The following FGF13 variants were observed in gnomAD, a reference collection of about 807,000 sequenced individuals.
The protein encoded by FGF13 is fibroblast growth factor homologous factor 2.
Under a neutral mutation model 19.5 loss-of-function variants are expected in FGF13, and 2 were observed. That is an observed-to-expected ratio of 0.10 (90% CI 0.04 to 0.32). The LOEUF (loss-of-function observed/expected upper bound fraction) is 0.32, where lower values mean the gene tolerates loss of function less well. Among genes scored for constraint, FGF13 ranks in the 10% least tolerant of loss-of-function variants. FGF13 has a pLI of 1.00. For synonymous variants in FGF13, 72 were observed against 76.9 expected (o/e 0.94, Z 0.33); for missense variants, 113 against 192.7 (o/e 0.59, Z 2.45).
At chrX:138,701,739 T>C (rs1376589854) in intron 3 of FGF13, among the ~76,000 whole-genome samples, 1 of 112,403 alleles carries the variant, frequency 8.9e-6, no homozygotes, top group Non-Finnish European at 1.9e-5. Flanking sequence ...AACAGGGTTA[T>C]CATATGGTTT....
intron 1 of FGF13, among the ~76,000 whole-genome samples, chrX:139,099,597 CT>C (rs761841119): frequency 9.1e-6 from 1 of 110,005 alleles, no homozygotes; most frequent in Admixed American, 9.7e-5. Flanking sequence ...CTCCCCTGTC[CT>C]TGTCTCTGGT....
At chrX:138,709,574 T>C (rs2090023168) in intron 1 of FGF13, among the ~76,000 whole-genome samples, 1 of 111,878 alleles carries the variant, frequency 8.9e-6, no homozygotes, top group African/African-American at 3.2e-5. Flanking sequence ...TTTTTGTTGG[T>C]AGGAAGGAAA....
intron 1 of FGF13, among the ~76,000 whole-genome samples, chrX:138,896,604 A>G (rs777076421): frequency 1.0e-3 from 113 of 112,147 alleles, no homozygotes; most frequent in Non-Finnish European, 1.8e-3. Flanking sequence ...ATAAGACAGC[A>G]TATGTACAAA....
chrX:138,807,311 C>T (rs1298360530), intron 3 of FGF13, among the ~76,000 whole-genome samples: 1 of 111,570 alleles, frequency 9.0e-6, no homozygotes, highest in Non-Finnish European at 1.9e-5. Flanking sequence ...CAATTAAAAG[C>T]AGAGCTTGGA....
chrX:139,078,308 C>T (rs1009898165), intron 1 of FGF13, among the ~76,000 whole-genome samples: 6 of 110,355 alleles, frequency 5.4e-5, no homozygotes, highest in African/African-American at 1.6e-4. Context: ...CTGTTGCCAG[C>T]GGCTTGCCCT....
At chrX:138,779,710 G>A (rs1230873744) in intron 3 of FGF13, among the ~76,000 whole-genome samples, 4 of 109,763 alleles carry the variant, frequency 3.6e-5, no homozygotes, top group Admixed American at 9.7e-5. Flanking sequence ...AAAGTGATGG[G>A]GAGAATGGAA....
chrX:139,093,515 A>C (rs1426944872), intron 1 of FGF13, among the ~76,000 whole-genome samples: 1 of 112,109 alleles, frequency 8.9e-6, no homozygotes, highest in Non-Finnish European at 1.9e-5. Context: ...AGAGCTAAAA[A>C]CTTCCAGAGA....
intron 1 of FGF13, among the ~76,000 whole-genome samples, chrX:139,078,030 A>C (rs956058768): frequency 9.0e-6 from 1 of 111,373 alleles, no homozygotes; most frequent in Non-Finnish European, 1.9e-5. Context: ...CTCCAGAGCC[A>C]GAGCTTAAGC....
intron 1 of FGF13, among the ~76,000 whole-genome samples, chrX:139,116,753 A>G (rs2083642454): frequency 9.1e-6 from 1 of 110,328 alleles, no homozygotes; most frequent in Admixed American, 9.7e-5. Flanking sequence ...CACCAGGGGG[A>G]ATATTAGTGA....
chrX:139,024,134 G>A (rs1336530507), intron 1 of FGF13, among the ~76,000 whole-genome samples: 1 of 110,865 alleles, frequency 9.0e-6, no homozygotes, highest in Non-Finnish European at 1.9e-5. Context: ...ACAACTAGCA[G>A]GTGCATGGAA....
chrX:139,101,450 T>C (rs1325995267), intron 1 of FGF13, among the ~76,000 whole-genome samples: 2 of 112,660 alleles, frequency 1.8e-5, no homozygotes, highest in Non-Finnish European at 3.7e-5. Flanking sequence ...TGGTTTATAA[T>C]CAGACTTGGT....
intron 1 of FGF13, among the ~76,000 whole-genome samples, chrX:139,065,481 C>CAAAAAAA (rs767805587): frequency 0.028 from 784 of 27,928 alleles, no homozygotes; most frequent in Non-Finnish European, 0.036. Context: ...AAACGGAAAG[C>CAAAAAAA]AAAAAAAAAA....
intron 1 of FGF13, among the ~76,000 whole-genome samples, chrX:139,043,502 C>T (rs1489201373): frequency 2.7e-5 from 3 of 110,949 alleles, no homozygotes; most frequent in Non-Finnish European, 5.7e-5. Flanking sequence ...TGTGAGCCAC[C>T]GCACCTGGCT....
At chrX:139,113,203 G>A (rs1410937320) in intron 1 of FGF13, among the ~76,000 whole-genome samples, 1 of 110,522 alleles carries the variant, frequency 9.0e-6, no homozygotes, top group African/African-American at 3.3e-5. Flanking sequence ...CAGAGACCTC[G>A]TGGGATTCAG....
rs935622857 is a variant in FGF13 at position 138,620,379 on chromosome X, C to T, written c.*12471G>A. The T allele has an allele frequency of 2.7e-5, 3 of 110,692 alleles. No homozygotes were observed. The highest frequency in any genetic ancestry group is 9.9e-5 in the African/African-American group (3 of 30,331). The allele number at this position is 110,692 out of a possible 1,213,427, so 9.1% of individuals were successfully genotyped here. A position where few individuals can be genotyped will look rare whatever the true frequency, so the allele number is the denominator to read the frequency against. On this transcript the variant is annotated 3_prime_UTR_variant, in exon 5 of 5. Coordinates refer to ENST00000315930, the MANE Select transcript of FGF13 (RefSeq NM_004114.5). ...TAGCTAATGCATGCTTGGCTGAACACCTCAGTGATGGGTTGAAGGTGCAGC... is the reference window on the plus strand; with the variant it reads ...TAGCTAATGCATGCTTGGCTGAACATCTCAGTGATGGGTTGAAGGTGCAGC...
At chrX:138,728,542 G>C (rs770095345) in intron 1 of FGF13, among the ~76,000 whole-genome samples, 1 of 110,967 alleles carries the variant, frequency 9.0e-6, no homozygotes, top group Non-Finnish European at 1.9e-5. Context: ...ATATATGCTA[G>C]TAAACAAATT....
In FGF13 at chrX:139,134,996, C is replaced by T. The variant is rs17002003; in HGVS notation, c.-113+68420G>A. ...CTTCCTCCTTTTAACTGGGCAGAAC[C>T]TTGATTGGAACTATTTCACAGGAGC... On this transcript the variant is annotated intron_variant, in intron 1 of 2. Transcript: ENST00000421460. Among the ~76,000 whole-genome samples the T allele has an allele frequency of 5.6e-3, 626 of 111,382 alleles. 2 individuals carry two copies. The highest frequency in any genetic ancestry group is 0.019 in the African/African-American group (583 of 30,621).
chrX:138,790,839 C>A (rs1043900657), intron 3 of FGF13, among the ~76,000 whole-genome samples: 2 of 112,046 alleles, frequency 1.8e-5, no homozygotes, highest in African/African-American at 3.3e-5. Flanking sequence ...CAAAATATTT[C>A]AAATTTACCT....
At chrX:139,097,401 T>G (rs781624268) in intron 1 of FGF13, among the ~76,000 whole-genome samples, 2 of 111,639 alleles carry the variant, frequency 1.8e-5, no homozygotes, top group South Asian at 7.5e-4. Context: ...GGGCCACATG[T>G]GGCTCATGGC....
Sources: allele counts gnomAD v4.1 joint callset (sites outside exome capture counted in the v4.1 genomes callset), GRCh38; gene constraint gnomAD v4.1.1; transcripts MANE v1.5; gene names NCBI Gene and HGNC (gene_info 2026-07-23, HGNC 2026-07-21).